Variants in SEC13 observed in about 807,000 individuals in gnomAD.
SEC13 encodes the protein protein SEC13 homolog.
A neutral mutation model predicts 49.2 loss-of-function variants in SEC13; 25 were observed. That is an observed-to-expected ratio of 0.51 (90% confidence interval 0.37 to 0.71). The LOEUF (loss-of-function observed/expected upper bound fraction) is 0.71. Among genes scored for constraint, SEC13 ranks in the 30% least tolerant of loss-of-function variants. The pLI, the probability that SEC13 is intolerant of heterozygous loss-of-function variation, is 0.00. For missense variants in SEC13, 383 were observed against 417.6 expected, an observed-to-expected ratio of 0.92 and a Z score of 0.72; for synonymous variants, 148 against 163.9, an observed-to-expected ratio of 0.90 and a Z score of 0.74.
At chr3:10,307,515 A>G (rs1416442160) in intron 5 of SEC13, among the ~76,000 whole-genome samples, 1 of 146,836 alleles carries the variant, frequency 6.8e-6, no homozygotes, top group East Asian at 1.9e-4. Flanking sequence ...AGGCCTCACA[A>G]TCATGGCAGA....
chr3:10,301,429 T>A, intron 8 of SEC13, 55 bp from the exon 9 acceptor site: 2 of 1,607,652 alleles, frequency 1.2e-6, no homozygotes, highest in Non-Finnish European at 1.7e-6. Flanking sequence ...CCCTCTGCTG[T>A]CCCCTAAATA....
intron 2 of SEC13, 133 bp downstream of exon 2, chr3:10,317,917 A>C: frequency 1.6e-6 from 1 of 612,218 alleles, no homozygotes; most frequent in Non-Finnish European, 3.0e-6. Context: ...ACAGGCTGAT[A>C]GGCAACCACT....
chr3:10,319,990 G>A (rs1289226121), intron 1 of SEC13, among the ~76,000 whole-genome samples: 1 of 97,732 alleles, frequency 1.0e-5, no homozygotes, highest in Non-Finnish European at 2.1e-5. Flanking sequence ...AGGGAGTGGG[G>A]AGAGAGGGAG....
Position 10,301,116 on chromosome 3 carries a change from T to C in SEC13, c.*145A>G. 1 of 1,613,698 alleles carries C rather than the reference T, an allele frequency of 6.2e-7. No individual in the cohort carries two copies. On this transcript the variant is annotated 3_prime_UTR_variant, in exon 9 of 9. Transcript: ENST00000350697. ...GCATCTCCGATCACGTTAAGGCAGATGATCAATCTGTGGCTGCATCTGTAA... is the reference window on the plus strand; with the variant it reads ...GCATCTCCGATCACGTTAAGGCAGACGATCAATCTGTGGCTGCATCTGTAA...
At chr3:10,313,172 G>A (rs1701390581) in intron 3 of SEC13, 1 of 228,190 alleles carries the variant, frequency 4.4e-6, no homozygotes, top group African/African-American at 2.2e-5. Context: ...TCATTTTGAT[G>A]TTTTCCACTA....
At chr3:10,319,569 C>T (rs2059727746) in intron 1 of SEC13, among the ~76,000 whole-genome samples, 1 of 152,034 alleles carries the variant, frequency 6.6e-6, no homozygotes, top group African/African-American at 2.4e-5. Flanking sequence ...AACTTCACTC[C>T]ACCAGGCTGC....
At chr3:10,304,588 A>G (rs1420032797) in intron 7 of SEC13, among the ~76,000 whole-genome samples, 1 of 152,182 alleles carries the variant, frequency 6.6e-6, no homozygotes, top group Non-Finnish European at 1.5e-5. Context: ...GGTTCCCATG[A>G]TGTGAAAGGC....
intron 1 of SEC13, among the ~76,000 whole-genome samples, 160 bp from the exon 2 acceptor site, chr3:10,318,254 C>A (rs749891141): frequency 6.6e-6 from 1 of 152,054 alleles, no homozygotes; most frequent in Non-Finnish European, 1.5e-5. Context: ...GTGCTAGGAA[C>A]TGGATATACA....
At chr3:10,306,095 TA>T (rs1489595806) in intron 5 of SEC13, among the ~76,000 whole-genome samples, 4 of 152,170 alleles carry the variant, frequency 2.6e-5, no homozygotes, top group African/African-American at 7.2e-5. Context: ...CCACTATAAG[TA>T]ACCACTGCCC....
chr3:10,314,744 G>C (rs1198953054), intron 3 of SEC13, among the ~76,000 whole-genome samples: 1 of 152,202 alleles, frequency 6.6e-6, no homozygotes, highest in Non-Finnish European at 1.5e-5. Flanking sequence ...AGGGAGCAGG[G>C]CAGGTCAAAC....
At chr3:10,303,904 G>A (rs768582084) in intron 8 of SEC13, 122 bp downstream of exon 8, 10 of 1,013,760 alleles carry the variant, frequency 9.9e-6, no homozygotes, top group East Asian at 2.6e-5. Context: ...CACTCAAAAC[G>A]CAGTCCTGGC....
Position 10,311,962 on chromosome 3 carries a change from C to G in SEC13, c.450+3G>C, listed in dbSNP as rs747078827. 6.2e-7 allele frequency: 1 copy of G among 1,614,108 alleles called. No individual in the cohort carries two copies. On this transcript the variant is annotated splice_donor_region_variant and intron_variant, in intron 5 of 8. Coordinates refer to ENST00000350697, the MANE Select transcript of SEC13 (RefSeq NM_183352.3). ...CTGCACGAAAGGCAGGGGATGGACTCACGGTGTGAGCGTTGTTGATCTTCT... is the reference window on the plus strand; with the variant it reads ...CTGCACGAAAGGCAGGGGATGGACTGACGGTGTGAGCGTTGTTGATCTTCT...
Position 10,305,239 on chromosome 3 carries a change from G to C in SEC13, c.585-83C>G, listed in dbSNP as rs1700798265. The C allele has an allele frequency of 4.0e-6, 6 of 1,502,266 alleles. No individual in the cohort carries two copies. In the South Asian group the frequency reaches 4.0e-5, roughly 10 times the overall value. The allele number at this position is 1,502,266 out of a possible 1,614,324, so 93.1% of individuals were successfully genotyped here. A position where few individuals can be genotyped will look rare whatever the true frequency, so the allele number is the denominator to read the frequency against. ...CCCCAACCCAACAGGCTCTGCCTGG[G>C]GTGGAGAAGCGATTCCATCTTTCTT... On this transcript the variant is annotated intron_variant, in intron 6 of 8. Coordinates refer to ENST00000350697, the MANE Select transcript of SEC13 (RefSeq NM_183352.3).
At chr3:10,309,112 ATTT>A (rs1274034165) in intron 5 of SEC13, among the ~76,000 whole-genome samples, 1 of 150,034 alleles carries the variant, frequency 6.7e-6, no homozygotes, top group Non-Finnish European at 1.5e-5. Flanking sequence ...TAATTTTTGT[ATTT>A]TTAGTAGAGA....
chr3:10,317,081 A>C (rs1382627808), intron 2 of SEC13, among the ~76,000 whole-genome samples: 1 of 152,004 alleles, frequency 6.6e-6, no homozygotes, highest in African/African-American at 2.4e-5. Flanking sequence ...TGTCATTACT[A>C]CTTGGCCTCA....
chr3:10,301,758 T>C (rs900905315), intron 8 of SEC13, among the ~76,000 whole-genome samples: 2 of 152,062 alleles, frequency 1.3e-5, no homozygotes, highest in African/African-American at 4.8e-5. Flanking sequence ...AACAACTGAT[T>C]AGGAAGCTCT....
At chr3:10,306,721 A>G (rs1334645151) in intron 5 of SEC13, among the ~76,000 whole-genome samples, 2 of 152,172 alleles carry the variant, frequency 1.3e-5, no homozygotes, top group East Asian at 3.8e-4. Flanking sequence ...TTCTCATGAT[A>G]GTGAATAAGT....
At chr3:10,306,378 T>C (rs1178680214) in intron 5 of SEC13, among the ~76,000 whole-genome samples, 1 of 152,198 alleles carries the variant, frequency 6.6e-6, no homozygotes, top group Non-Finnish European at 1.5e-5. Context: ...TCAGGTGTGA[T>C]CCCTTTGGCA....
At chr3:10,301,689 C>CCAGAG (rs1288125937) in intron 8 of SEC13, among the ~76,000 whole-genome samples, 2 of 152,188 alleles carry the variant, frequency 1.3e-5, no homozygotes, top group South Asian at 2.1e-4. Flanking sequence ...GGTCCCCAGA[C>CCAGAG]CAGAGCAGAG....
Sources: gnomAD v4.1 joint callset for allele counts (sites outside exome capture counted in the v4.1 genomes callset) on GRCh38, gnomAD v4.1.1 for gene constraint, MANE v1.5 for transcripts, NCBI Gene and HGNC (gene_info 2026-07-23, HGNC 2026-07-21) for gene names.